Variants in ZDHHC24 observed in about 807,000 individuals in gnomAD.
ZDHHC24 encodes the protein zDHHC palmitoyltransferase 24.
Under a neutral mutation model 23.2 loss-of-function variants are expected in ZDHHC24, and 17 were observed. The ratio of observed to expected loss-of-function variants is 0.73; its 90% CI spans 0.50 to 1.10. ZDHHC24 has a LOEUF of 1.10. Ranked by LOEUF, ZDHHC24 falls within the 50% of genes least tolerant of loss-of-function variation. The pLI is 0.00. For synonymous variants in ZDHHC24, 186 were observed against 194.5 expected (o/e 0.96, Z 0.36); for missense variants, 366 against 393.0 (o/e 0.93, Z 0.58).
In ZDHHC24 at chr11:66,537,002, T is replaced by TA. The variant is rs1652300123; in HGVS notation, c.*2526dup. The TA allele has an allele frequency of 6.6e-6, 1 of 151,796 alleles. No homozygotes were observed. Among genetic ancestry groups the TA allele is most frequent in the African/African-American group, 2.4e-5 (1 of 41,376 alleles). The allele number at this position is 151,796 out of a possible 1,614,324, so 9.4% of individuals were successfully genotyped here. A position where few individuals can be genotyped will look rare whatever the true frequency, so the allele number is the denominator to read the frequency against. ...AGGTACACCAAGTTCCTCCTGTCAT[T>TA]AAAAAATAGCAACAGAGCATGCCTG... On this transcript the variant is annotated 3_prime_UTR_variant, in exon 3 of 3. Transcript: ENST00000310442.
chr11:66,534,343 T>C (rs1202150917), downstream of ZDHHC24, among the ~76,000 whole-genome samples: 1 of 148,570 alleles, frequency 6.7e-6, no homozygotes. Context: ...CTTGGAAGGC[T>C]GAGGCAGGAG....
chr11:66,529,848 T>C (rs1856692075), intron 2 of ZDHHC24: 1 of 1,611,106 alleles, frequency 6.2e-7, no homozygotes, highest in Non-Finnish European at 8.5e-7. Context: ...GACAGACCTA[T>C]ACCTGCTGCG....
In ZDHHC24 at chr11:66,545,875, C is replaced by CAA. The variant is rs1857306569; in HGVS notation, c.128_129insTT (p.Pro44CysfsTer40). ...CCCGGGCCAGGGGTCCCAGCGGCGG[C>CAA]GGCCCGGGACCGAGCACCAGCACGT... On this transcript the variant is annotated frameshift_variant, in exon 1 of 3. Coordinates refer to ENST00000310442, the MANE Select transcript of ZDHHC24 (RefSeq NM_207340.3). LOFTEE classifies it high-confidence loss of function. The surrounding 1 kb of genome is among the most constrained non-coding windows in gnomAD (Gnocchi z 4.5). 2 of 1,545,180 alleles carry CAA rather than the reference C, an allele frequency of 1.3e-6. No individual in the cohort carries two copies. Among genetic ancestry groups the CAA allele is most frequent in the African/African-American group, 2.7e-5 (2 of 72,878 alleles).
chr11:66,523,867 T>G, intron 4 of ZDHHC24: 1 of 1,613,378 alleles, frequency 6.2e-7, no homozygotes, highest in Non-Finnish European at 8.5e-7. Flanking sequence ...CCCTGCTCAA[T>G]GTCATCCACA....
chr11:66,535,185 A>G (rs1005871703), downstream of ZDHHC24, among the ~76,000 whole-genome samples: 3 of 151,488 alleles, frequency 2.0e-5, no homozygotes, highest in African/African-American at 7.3e-5. Context: ...GAGCCACCAC[A>G]CCTGGCCTGG....
At chr11:66,530,764 G>T (rs922802872), downstream of ZDHHC24, 6 of 1,350,378 alleles carry the variant, frequency 4.4e-6, no homozygotes, top group Admixed American at 1.7e-5. Flanking sequence ...GGTCTTCTGT[G>T]TCTGCTGGGA....
intron 2 of ZDHHC24, chr11:66,529,550 C>T (rs1856673201): frequency 7.1e-6 from 5 of 704,306 alleles, no homozygotes; most frequent in Non-Finnish European, 1.3e-5. Context: ...GAACACCAGC[C>T]TCTAGGGCCG....
downstream of ZDHHC24, chr11:66,531,023 T>C: frequency 6.2e-7 from 1 of 1,614,182 alleles, no homozygotes. Context: ...CCGGGCCTTC[T>C]TCAAGGTACT....
At position 66,526,753 on chromosome 11, in the gene ZDHHC24, C is replaced by G. The variant is rs768443448; in HGVS notation, c.*21+183G>C. 5 of 1,614,090 alleles carry G rather than the reference C, an allele frequency of 3.1e-6. 1 individual carries two copies. Among genetic ancestry groups the G allele is most frequent in the East Asian group, 4.5e-5 (2 of 44,890 alleles). On this transcript the variant is annotated intron_variant, in intron 4 of 4. Transcript: ENST00000526986. ...CCAGGCCATGAAACTCAATGTGCCCCGAAAGACCCGGCTTTACGTGGATCA... is the reference window on the plus strand; with the variant it reads ...CCAGGCCATGAAACTCAATGTGCCCGGAAAGACCCGGCTTTACGTGGATCA...
At chr11:66,522,142 G>A (rs1162160480) in intron 4 of ZDHHC24, among the ~76,000 whole-genome samples, 2 of 148,450 alleles carry the variant, frequency 1.3e-5, no homozygotes, top group Non-Finnish European at 3.0e-5. Context: ...GCGTGAACCT[G>A]GGAGGTGGAG....
downstream of ZDHHC24, chr11:66,521,064 C>T: frequency 1.6e-6 from 1 of 609,378 alleles, no homozygotes; most frequent in Non-Finnish European, 3.0e-6. Flanking sequence ...CTAGAAGTGG[C>T]ATCGTTTAGT....
chr11:66,526,104 C>G, intron 4 of ZDHHC24: 1 of 1,613,810 alleles, frequency 6.2e-7, no homozygotes, highest in Non-Finnish European at 8.5e-7. Context: ...CCCAACTAAA[C>G]TCTGACGTCT....
chr11:66,529,972 C>G, intron 2 of ZDHHC24: 1 of 1,593,056 alleles, frequency 6.3e-7, no homozygotes, highest in Non-Finnish European at 8.5e-7. Context: ...TGGGTGAGGG[C>G]AGAGTCAGGG....
chr11:66,527,668 CA>C (rs58165767), intron 3 of ZDHHC24: 14,507 of 58,216 alleles, frequency 0.25, 368 homozygotes, highest in Non-Finnish European at 0.3. Flanking sequence ...GACTCCGTCT[CA>C]AAAAAAAAAA....
At chr11:66,535,017 C>G (rs910821439), downstream of ZDHHC24, among the ~76,000 whole-genome samples, 2 of 152,108 alleles carry the variant, frequency 1.3e-5, no homozygotes, top group Admixed American at 1.3e-4. Flanking sequence ...ATCAGACTCC[C>G]GAGTAGCTGG....
chr11:66,526,579 G>A, intron 4 of ZDHHC24: 1 of 1,600,556 alleles, frequency 6.2e-7, no homozygotes, highest in Non-Finnish European at 8.6e-7. Flanking sequence ...CAGATTGTTT[G>A]GGGAAGAAAG....
At position 66,543,995 on chromosome 11, in the gene ZDHHC24, C is replaced by A. The variant is rs756045418; in HGVS notation, c.282-14G>T. On this transcript the variant is annotated splice_polypyrimidine_tract_variant and intron_variant, in intron 1 of 2. Coordinates refer to ENST00000310442, the MANE Select transcript of ZDHHC24 (RefSeq NM_207340.3). ...TGGTAGCAGTAACTGCAGGAAGGAA[C>A]CACAGCGTCAGTTCCCCCAGCAGCT... 3.7e-6 allele frequency: 6 copies of A among 1,610,754 alleles called. No homozygotes were observed. The highest frequency in any genetic ancestry group is 1.7e-6 in the Non-Finnish European group (2 of 1,177,728).
chr11:66,523,136 A>G (rs1180713133), intron 4 of ZDHHC24: 2 of 501,866 alleles, frequency 4.0e-6, no homozygotes, highest in Middle Eastern at 3.0e-4. Flanking sequence ...TAGTCCAGCC[A>G]AAGGTAAACT....
intron 4 of ZDHHC24, chr11:66,523,369 A>G: frequency 1.9e-6 from 3 of 1,583,306 alleles, no homozygotes; most frequent in Non-Finnish European, 2.6e-6. Flanking sequence ...CTCCCAGGTG[A>G]GTCCATGAGG....
Sources: allele counts gnomAD v4.1 joint callset (sites outside exome capture counted in the v4.1 genomes callset), GRCh38; gene constraint gnomAD v4.1.1; non-coding constraint Gnocchi (gnomAD v3.1); transcripts MANE v1.5; gene names NCBI Gene and HGNC (gene_info 2026-07-23, HGNC 2026-07-21).